SHOC2: variants seen among roughly 807,000 people sequenced by gnomAD.
The protein encoded by SHOC2 is leucine-rich repeat protein SHOC-2.
A neutral mutation model predicts 50.2 loss-of-function variants in SHOC2; 4 were observed. The ratio of observed to expected loss-of-function variants is 0.08; its 90% confidence interval spans 0.04 to 0.18. The LOEUF (loss-of-function observed/expected upper bound fraction) is 0.18, where lower values mean the gene tolerates loss of function less well. SHOC2 is among the 10% of genes least tolerant of loss of function. The probability of loss-of-function intolerance (pLI) is 1.00; values close to 1 mark genes in which losing one functional copy is unlikely to be tolerated. For synonymous variants in SHOC2, 218 were observed against 244.5 expected (o/e 0.89, Z 1.01); for missense variants, 388 against 669.6 (o/e 0.58, Z 4.64).
chr10:110,988,117 T>G (rs1848115337), intron 3 of SHOC2, among the ~76,000 whole-genome samples: 1 of 152,132 alleles, frequency 6.6e-6, no homozygotes, highest in Admixed American at 6.5e-5. Flanking sequence ...AATTAAAAAG[T>G]TACATTCTGG....
chr10:110,956,483 G>C (rs1386137788), intron 1 of SHOC2, among the ~76,000 whole-genome samples: 2 of 152,140 alleles, frequency 1.3e-5, no homozygotes, highest in Non-Finnish European at 2.9e-5. Context: ...TGCTTCTTTG[G>C]ATATAGCTGC....
chr10:110,987,399 A>G (rs781081988), intron 3 of SHOC2, among the ~76,000 whole-genome samples: 3 of 152,190 alleles, frequency 2.0e-5, no homozygotes, highest in Non-Finnish European at 4.4e-5. Flanking sequence ...AAGCTGAGAC[A>G]TGGATGTAAT....
chr10:110,994,862 GT>G (rs1271107547), intron 3 of SHOC2, among the ~76,000 whole-genome samples: 1 of 152,188 alleles, frequency 6.6e-6, no homozygotes, highest in Non-Finnish European at 1.5e-5. Context: ...ATTGTTAGTA[GT>G]TCCTTCCCGG....
chr10:110,983,633 T>C (rs1281882680), intron 2 of SHOC2, among the ~76,000 whole-genome samples: 1 of 152,222 alleles, frequency 6.6e-6, no homozygotes, highest in Admixed American at 6.5e-5. Flanking sequence ...ATTTTCGTCA[T>C]CTGAGACTGA....
chr10:111,000,379 TA>T (rs762088428), intron 3 of SHOC2, 35 bp from the exon 4 acceptor site: 3 of 1,609,230 alleles, frequency 1.9e-6, no homozygotes, highest in Admixed American at 3.3e-5. Flanking sequence ...TCAGATTTTG[TA>T]AAAAATAAAT....
At chr10:110,984,519 C>T (rs578209817) in intron 2 of SHOC2, among the ~76,000 whole-genome samples, 13 of 152,198 alleles carry the variant, frequency 8.5e-5, no homozygotes, top group South Asian at 2.1e-4. Flanking sequence ...AATCTAACAT[C>T]GATTTTTCTT....
intron 2 of SHOC2, among the ~76,000 whole-genome samples, chr10:110,975,947 G>C (rs1250534469): frequency 6.6e-6 from 1 of 150,380 alleles, no homozygotes; most frequent in Non-Finnish European, 1.5e-5. Context: ...TTTTGCTCTT[G>C]TTGCCAAGGC....
intron 3 of SHOC2, among the ~76,000 whole-genome samples, chr10:110,995,971 C>G (rs142193436): frequency 6.6e-6 from 1 of 152,188 alleles, no homozygotes; most frequent in Non-Finnish European, 1.5e-5. Context: ...TTGTCTCCCC[C>G]ATCTCTAAAC....
chr10:110,974,870 G>T (rs528729669), intron 2 of SHOC2, among the ~76,000 whole-genome samples: 27 of 151,988 alleles, frequency 1.8e-4, no homozygotes, highest in African/African-American at 6.3e-4. Context: ...ATAATACATT[G>T]ATACTATTTT....
At chr10:110,994,515 A>G (rs756853731) in intron 3 of SHOC2, among the ~76,000 whole-genome samples, 8 of 152,222 alleles carry the variant, frequency 5.3e-5, no homozygotes, top group East Asian at 3.8e-4. Context: ...CAGTTGAGCA[A>G]TGATTGGAGA....
intron 2 of SHOC2, among the ~76,000 whole-genome samples, chr10:110,970,032 C>T (rs922738056): frequency 2.0e-5 from 3 of 152,172 alleles, no homozygotes; most frequent in African/African-American, 7.2e-5. Context: ...TTGCTTTTCA[C>T]TGGACACATT....
At chr10:110,959,282 TAAC>T (rs770424397) in intron 1 of SHOC2, among the ~76,000 whole-genome samples, 12 of 152,280 alleles carry the variant, frequency 7.9e-5, no homozygotes, top group African/African-American at 2.6e-4. Context: ...TCATCAGAAA[TAAC>T]AAATAACTCT....
rs569929071 is a variant in SHOC2 at position 111,011,550 on chromosome 10, A to C, written c.1541-60A>C. On this transcript the variant is annotated intron_variant, in intron 8 of 8. Coordinates refer to ENST00000369452, the MANE Select transcript of SHOC2 (RefSeq NM_007373.4). ...TAATGACCAGAACAGCATCATGCCC[A>C]GTTGAACTTTTAAAATAGCAACTAA... The C allele has an allele frequency of 4.4e-6, 5 of 1,140,244 alleles. No homozygotes were observed. The South Asian group carries it at 6.2e-5, about 14-fold the overall frequency. The allele number at this position is 1,140,244 out of a possible 1,614,324, so 70.6% of individuals were successfully genotyped here. A position where few individuals can be genotyped will look rare whatever the true frequency, so the allele number is the denominator to read the frequency against.
At chr10:110,944,646 A>C (rs993070623) in intron 1 of SHOC2, among the ~76,000 whole-genome samples, 1 of 152,248 alleles carries the variant, frequency 6.6e-6, no homozygotes, top group Non-Finnish European at 1.5e-5. Flanking sequence ...GACAACTATG[A>C]AAATCACATT....
At chr10:110,923,695 A>G (rs1397092059) in intron 1 of SHOC2, among the ~76,000 whole-genome samples, 1 of 152,184 alleles carries the variant, frequency 6.6e-6, no homozygotes, top group Non-Finnish European at 1.5e-5. Flanking sequence ...GAAAGAGTGA[A>G]CATACTGCTT....
At chr10:110,960,683 T>C (rs1211689935) in intron 1 of SHOC2, among the ~76,000 whole-genome samples, 1 of 152,132 alleles carries the variant, frequency 6.6e-6, no homozygotes, top group Non-Finnish European at 1.5e-5. Context: ...TAGTTTTTAT[T>C]TGGTTTTGTT....
chr10:110,921,871 A>G (rs1162444403), intron 1 of SHOC2, among the ~76,000 whole-genome samples: 3 of 152,126 alleles, frequency 2.0e-5, no homozygotes, highest in African/African-American at 4.8e-5. Context: ...CTGATCGCTC[A>G]TTATTAATAT....
At chr10:110,952,308 A>G (rs1847370011) in intron 1 of SHOC2, among the ~76,000 whole-genome samples, 1 of 152,126 alleles carries the variant, frequency 6.6e-6, no homozygotes, top group Non-Finnish European at 1.5e-5. Context: ...CCCTGCCACC[A>G]CCATCTTGCA....
At chr10:110,932,065 T>C (rs1192166536) in intron 1 of SHOC2, among the ~76,000 whole-genome samples, 4 of 152,130 alleles carry the variant, frequency 2.6e-5, no homozygotes, top group Admixed American at 2.6e-4. Flanking sequence ...TAAGCTGAGG[T>C]CTGAAGAGTA....
Sources: gnomAD v4.1 joint callset for allele counts (sites outside exome capture counted in the v4.1 genomes callset) on GRCh38, gnomAD v4.1.1 for gene constraint, MANE v1.5 for transcripts, NCBI Gene and HGNC (gene_info 2026-07-23, HGNC 2026-07-21) for gene names.